DEPDC4: variants seen among roughly 807,000 people sequenced by gnomAD.
DEPDC4 encodes DEP domain containing 4.
In DEPDC4, 52 loss-of-function variants were observed where a neutral mutation model predicts 52.0. The ratio of observed to expected loss-of-function variants is 1.00; its 90% CI spans 0.80 to 1.26. The LOEUF is 1.26. DEPDC4 is among the 50% of genes most tolerant of loss of function. The pLI, the probability that DEPDC4 is intolerant of heterozygous loss-of-function variation, is 0.00. For synonymous variants in DEPDC4, 201 were observed against 196.8 expected (o/e 1.02, Z -0.18); for missense variants, 530 against 546.9 (o/e 0.97, Z 0.31).
At chr12:100,266,876 C>A (rs767684478) in intron 1 of DEPDC4, 44 bp downstream of exon 1, 3 of 1,587,938 alleles carry the variant, frequency 1.9e-6, no homozygotes, top group Admixed American at 1.7e-5. Flanking sequence ...TTCAGCTGCC[C>A]CCTCCACCTT....
chr12:100,250,901 C>A (rs1246776638), intron 7 of DEPDC4, among the ~76,000 whole-genome samples: 1 of 152,072 alleles, frequency 6.6e-6, no homozygotes, highest in Non-Finnish European at 1.5e-5. Context: ...TACCTAACAA[C>A]TGACTTACAA....
intron 7 of DEPDC4, among the ~76,000 whole-genome samples, chr12:100,249,677 G>C (rs1030879277): frequency 6.6e-6 from 1 of 152,084 alleles, no homozygotes. Context: ...ATCCTGGCTC[G>C]CAGGCTACCT....
chr12:100,263,424 G>T, intron 2 of DEPDC4, 73 bp downstream of exon 2: 5 of 1,226,128 alleles, frequency 4.1e-6, no homozygotes, highest in Admixed American at 2.9e-5. Flanking sequence ...GTACACATTC[G>T]AGTTTAGCTC....
chr12:100,237,397 G>A (rs1221789611), downstream of DEPDC4, among the ~76,000 whole-genome samples: 1 of 151,926 alleles, frequency 6.6e-6, no homozygotes, highest in Non-Finnish European at 1.5e-5. Flanking sequence ...TAGTAGAGAT[G>A]GGTTTTCACC....
chr12:100,261,260 C>CT (rs1179022351), intron 3 of DEPDC4, among the ~76,000 whole-genome samples: 1 of 151,844 alleles, frequency 6.6e-6, no homozygotes, highest in African/African-American at 2.4e-5. Flanking sequence ...CCTGTATTTC[C>CT]TTTATCATGC....
chr12:100,273,223 T>C, the DEPDC4 span, among the ~76,000 whole-genome samples: 2 of 152,184 alleles, frequency 1.3e-5, no homozygotes, highest in Admixed American at 6.5e-5. Flanking sequence ...TTCTTTTTCT[T>C]CAGCTTTTAA....
chr12:100,243,323 C>T (rs2096168132), intron 8 of DEPDC4, among the ~76,000 whole-genome samples: 2 of 152,144 alleles, frequency 1.3e-5, no homozygotes, highest in African/African-American at 4.8e-5. Context: ...CAGAATTATG[C>T]ATCAATCCCT....
chr12:100,261,170 G>C (rs1433911984), intron 3 of DEPDC4, among the ~76,000 whole-genome samples: 1 of 139,660 alleles, frequency 7.2e-6, no homozygotes, highest in African/African-American at 2.7e-5. Context: ...AACAGAGCGA[G>C]ACTCCGTCTC....
chr12:100,267,848 C>G (rs904997916), upstream of DEPDC4: 1 of 152,692 alleles, frequency 6.5e-6, no homozygotes, highest in Non-Finnish European at 1.5e-5. Flanking sequence ...GGGTCACCAG[C>G]CAGGGCCCTG....
At chr12:100,270,053 C>G (rs1007355986), upstream of DEPDC4, among the ~76,000 whole-genome samples, 1 of 150,850 alleles carries the variant, frequency 6.6e-6, no homozygotes, top group African/African-American at 2.4e-5. Flanking sequence ...GTGGCGCGAT[C>G]TCGGCTCACT....
intron 1 of DEPDC4, among the ~76,000 whole-genome samples, chr12:100,265,312 T>C (rs1344001305): frequency 1.5e-5 from 2 of 134,682 alleles, no homozygotes; most frequent in Admixed American, 1.5e-4. Flanking sequence ...ACAAAAACAG[T>C]TGGCCAGGCG....
chr12:100,255,388 C>T lies in DEPDC4; in HGVS notation c.878+661G>A, dbSNP rs954380719. ...AAGAGGGTCCAGAGGTCTCTGATCACTAACCTCTTCACAAGATCTGAAGTT... is the reference window on the plus strand; with the variant it reads ...AAGAGGGTCCAGAGGTCTCTGATCATTAACCTCTTCACAAGATCTGAAGTT... On this transcript the variant is annotated intron_variant, in intron 4 of 9. Coordinates refer to ENST00000550587, the MANE Select transcript of DEPDC4 (RefSeq NM_001364818.2). Among the ~76,000 whole-genome samples the T allele has an allele frequency of 2.6e-5, 4 of 152,336 alleles. No homozygotes were observed. The South Asian group carries it at 8.3e-4, about 32-fold the overall frequency.
At position 100,252,308 on chromosome 12, in the gene DEPDC4, A is replaced by G; in HGVS notation, c.1249-7T>C. On this transcript the variant is annotated splice_region_variant and splice_polypyrimidine_tract_variant and intron_variant, in intron 6 of 9. Coordinates refer to ENST00000550587, the MANE Select transcript of DEPDC4 (RefSeq NM_001364818.2). Reference sequence around the variant, plus strand: ...CCACTGTTTTATTATCATACTGTAAACAGAAAGATTAACATTAGCATAAAT... The same window carrying G: ...CCACTGTTTTATTATCATACTGTAAGCAGAAAGATTAACATTAGCATAAAT... The G allele has an allele frequency of 6.7e-7, 1 of 1,482,214 alleles. No individual in the cohort carries two copies. Among genetic ancestry groups the G allele is most frequent in the East Asian group, 2.6e-5 (1 of 38,770 alleles). 91.8% of individuals were successfully genotyped at this position (1,482,214 alleles called of 1,614,324 possible).
upstream of DEPDC4, among the ~76,000 whole-genome samples, chr12:100,270,341 C>T (rs532954064): frequency 6.6e-6 from 1 of 152,214 alleles, no homozygotes; most frequent in Admixed American, 6.5e-5. Flanking sequence ...AGGAAGTGAT[C>T]ATTTAATCTA....
chr12:100,253,093 T>G (rs933898744), intron 5 of DEPDC4, among the ~76,000 whole-genome samples: 1 of 152,148 alleles, frequency 6.6e-6, no homozygotes, highest in Non-Finnish European at 1.5e-5. Flanking sequence ...ATTTTTGGTA[T>G]TTTTAGTAGA....
At chr12:100,258,655 C>T (rs1195228502) in intron 3 of DEPDC4, among the ~76,000 whole-genome samples, 7 of 151,474 alleles carry the variant, frequency 4.6e-5, no homozygotes, top group African/African-American at 1.7e-4. Context: ...GCAACACCAA[C>T]ACAAGAAGCT....
At position 100,256,102 on chromosome 12, in the gene DEPDC4, A is replaced by T; in HGVS notation, c.825T>A (p.Val275=). 6.2e-7 allele frequency: 1 copy of T among 1,613,334 alleles called. No individual in the cohort carries two copies. Among genetic ancestry groups the T allele is most frequent in the South Asian group, 1.1e-5 (1 of 91,038 alleles). Residue 275 remains valine (V), a synonymous_variant, in exon 4 of 10, where the codon GTT becomes GTA. Coordinates refer to ENST00000550587, the MANE Select transcript of DEPDC4 (RefSeq NM_001364818.2). ...CTCTGTCTAGGCAAGTGTTAGTGAT[A>T]ACAAGATCTTCCTCTTTGTTTAGTT... ...NLQLNKEEDL[V]ITNTCLDREL... is the part of the protein sequence containing the mutation.
intron 7 of DEPDC4, among the ~76,000 whole-genome samples, chr12:100,250,674 G>C (rs2096204118): frequency 6.6e-6 from 1 of 152,204 alleles, no homozygotes; most frequent in Non-Finnish European, 1.5e-5. Flanking sequence ...GAGGAAAGCA[G>C]AGAGAAGCTG....
intron 7 of DEPDC4, among the ~76,000 whole-genome samples, chr12:100,250,642 G>C (rs116849489): frequency 6.6e-6 from 1 of 152,162 alleles, no homozygotes; most frequent in African/African-American, 2.4e-5. Context: ...CATTTATGTA[G>C]AGGAGGGGGT....
Sources: gnomAD v4.1 joint callset for allele counts (sites outside exome capture counted in the v4.1 genomes callset) on GRCh38, gnomAD v4.1.1 for gene constraint, MANE v1.5 for transcripts, NCBI Gene and HGNC (gene_info 2026-07-23, HGNC 2026-07-21) for gene names.